The following CNTN4 variants were observed in gnomAD, a reference collection of about 807,000 sequenced individuals.
CNTN4 encodes contactin 4.
CNTN4 carries 77 observed loss-of-function variants against 122.5 expected under a neutral mutation model. That is an observed-to-expected ratio of 0.63 (90% CI 0.52 to 0.76). CNTN4 has a LOEUF of 0.76. Among genes scored for constraint, CNTN4 ranks in the 30% least tolerant of loss-of-function variants. The probability of loss-of-function intolerance (pLI) is 0.00; values close to 1 mark genes in which losing one functional copy is unlikely to be tolerated. For missense variants in CNTN4, 1,256 were observed against 1,259.1 expected (o/e 1.00, Z 0.04); for synonymous variants, 512 against 447.0 (o/e 1.15, Z -1.83).
chr3:2,603,405 A>G (rs1576180153), intron 4 of CNTN4, among the ~76,000 whole-genome samples: 2 of 152,178 alleles, frequency 1.3e-5, no homozygotes, highest in East Asian at 3.8e-4. Flanking sequence ...GTCCTGGTTT[A>G]TCGGTATTTT....
chr3:3,036,025 T>C (rs1420896175), intron 17 of CNTN4, among the ~76,000 whole-genome samples: 1 of 152,222 alleles, frequency 6.6e-6, no homozygotes, highest in Non-Finnish European at 1.5e-5. Context: ...TTCACAGTTA[T>C]TTCTCTTTGC....
At chr3:2,479,932 G>C (rs866449748) in intron 3 of CNTN4, among the ~76,000 whole-genome samples, 4 of 151,972 alleles carry the variant, frequency 2.6e-5, no homozygotes, top group Non-Finnish European at 4.4e-5. Context: ...CCACCAAGTG[G>C]GATTCACATC....
intron 4 of CNTN4, among the ~76,000 whole-genome samples, chr3:2,628,940 G>A (rs2600318): frequency 0.1 from 15,586 of 152,130 alleles, 1,142 homozygotes; most frequent in African/African-American, 0.21. Context: ...TGGCAAATAG[G>A]TTAGGAGGCC....
chr3:2,389,914 C>G (rs67235276), intron 3 of CNTN4, among the ~76,000 whole-genome samples: 24,273 of 151,962 alleles, frequency 0.16, 2,382 homozygotes, highest in Middle Eastern at 0.25. Flanking sequence ...TGAAAATTGT[C>G]AAGAACATAA....
chr3:2,569,870 C>T (rs2079341826), intron 3 of CNTN4, among the ~76,000 whole-genome samples: 1 of 152,100 alleles, frequency 6.6e-6, no homozygotes, highest in African/African-American at 2.4e-5. Context: ...TTCCTCCTTC[C>T]TTGATAACGG....
chr3:2,865,654 C>G (rs540288679), intron 7 of CNTN4, among the ~76,000 whole-genome samples: 6 of 152,268 alleles, frequency 3.9e-5, no homozygotes, highest in African/African-American at 1.4e-4. Context: ...ACTTCTCCAG[C>G]TTTGGACAAA....
chr3:2,307,994 C>A (rs563380083), intron 2 of CNTN4, among the ~76,000 whole-genome samples: 1 of 152,194 alleles, frequency 6.6e-6, no homozygotes, highest in Admixed American at 6.5e-5. Flanking sequence ...TTTCAATAAA[C>A]ATTTTGTGGA....
At chr3:2,637,167 C>G (rs1189779708) in intron 4 of CNTN4, among the ~76,000 whole-genome samples, 7 of 151,912 alleles carry the variant, frequency 4.6e-5, no homozygotes, top group African/African-American at 9.7e-5. Flanking sequence ...TTCTTGAGCT[C>G]CTGGGCTCAA....
chr3:2,207,764 A>G (rs2038427788), intron 2 of CNTN4, among the ~76,000 whole-genome samples: 1 of 152,120 alleles, frequency 6.6e-6, no homozygotes. Flanking sequence ...TTCAGTGTAG[A>G]TGAAGCATCC....
chr3:2,299,498 A>G (rs1305372961), intron 2 of CNTN4, among the ~76,000 whole-genome samples: 2 of 152,120 alleles, frequency 1.3e-5, no homozygotes, highest in East Asian at 3.9e-4. Context: ...TTCAAAGTCC[A>G]TTATATCACA....
intron 4 of CNTN4, among the ~76,000 whole-genome samples, chr3:2,622,721 A>T (rs1576254216): frequency 6.6e-6 from 1 of 152,324 alleles, no homozygotes; most frequent in East Asian, 1.9e-4. Flanking sequence ...ATCTTAGCCT[A>T]CCTAAAGCAA....
intron 3 of CNTN4, among the ~76,000 whole-genome samples, chr3:2,391,182 A>G (rs2150883171): frequency 6.6e-6 from 1 of 152,344 alleles, no homozygotes; most frequent in South Asian, 2.1e-4. Flanking sequence ...GGGGTTGGAT[A>G]CTTGCCATAT....
chr3:2,511,740 A>T (rs1224810208), intron 3 of CNTN4: 1 of 152,242 alleles, frequency 6.6e-6, no homozygotes, highest in Non-Finnish European at 1.5e-5. Flanking sequence ...CTACAGCTCC[A>T]TGTGAATGTG....
chr3:3,012,333 T>G (rs1215170890), intron 14 of CNTN4, among the ~76,000 whole-genome samples: 1 of 152,182 alleles, frequency 6.6e-6, no homozygotes, highest in Non-Finnish European at 1.5e-5. Flanking sequence ...GCATTTACTC[T>G]GAGGTAAACG....
At chr3:2,745,463 A>T in intron 5 of CNTN4, 59 bp from the exon 6 acceptor site, 1 of 1,318,948 alleles carries the variant, frequency 7.6e-7, no homozygotes, top group South Asian at 1.2e-5. Flanking sequence ...TATTTTAGAC[A>T]ATTCAGAAAT....
chr3:2,276,112 A>G (rs2041500000), intron 2 of CNTN4, among the ~76,000 whole-genome samples: 1 of 151,998 alleles, frequency 6.6e-6, no homozygotes, highest in Non-Finnish European at 1.5e-5. Context: ...TTCATGTCAT[A>G]TCTTTTTAAC....
chr3:2,252,703 T>C (rs182327347), intron 2 of CNTN4, among the ~76,000 whole-genome samples: 1 of 152,088 alleles, frequency 6.6e-6, no homozygotes, highest in Non-Finnish European at 1.5e-5. Flanking sequence ...AAAGGTGATA[T>C]AAATGCTGAA....
At chr3:2,835,297 T>C (rs1443350022) in intron 7 of CNTN4, among the ~76,000 whole-genome samples, 3 of 152,158 alleles carry the variant, frequency 2.0e-5, no homozygotes, top group Non-Finnish European at 4.4e-5. Flanking sequence ...AGAGTCATAG[T>C]ATATAAAGCT....
chr3:2,287,679 GAAGAAGAAGAAGAGGAAGAAGAAGAA>G (rs2041968308), intron 2 of CNTN4, among the ~76,000 whole-genome samples: 5 of 98,116 alleles, frequency 5.1e-5, no homozygotes, highest in South Asian at 3.9e-4. Flanking sequence ...AGAAGAAGAA[GAAGAAGAAGAAGAGGAAGAAGAAGAA>G]GAAGAGGAAG....
Sources: gnomAD v4.1 joint callset for allele counts (sites outside exome capture counted in the v4.1 genomes callset) on GRCh38, gnomAD v4.1.1 for gene constraint, MANE v1.5 for transcripts, NCBI Gene and HGNC (gene_info 2026-07-23, HGNC 2026-07-21) for gene names.